The following STYX variants were observed in gnomAD, a reference collection of about 807,000 sequenced individuals.
The protein encoded by STYX is serine/threonine/tyrosine interacting protein.
In STYX, 20 loss-of-function variants were observed where a neutral mutation model predicts 42.7. That is an observed-to-expected ratio of 0.47 (90% CI 0.33 to 0.68). The LOEUF is 0.68. Ranked by LOEUF, STYX falls within the 30% of genes least tolerant of loss-of-function variation. The pLI is 0.02. For missense variants in STYX, 226 were observed against 268.5 expected, an observed-to-expected ratio of 0.84 and a Z score of 1.11; for synonymous variants, 78 against 81.9, an observed-to-expected ratio of 0.95 and a Z score of 0.26.
intron 4 of STYX, among the ~76,000 whole-genome samples, chr14:52,755,831 T>G (rs527453229): frequency 6.6e-6 from 1 of 152,214 alleles, no homozygotes; most frequent in South Asian, 2.1e-4. Flanking sequence ...TGTAGGTTCA[T>G]GAGCAGGAGT....
At chr14:52,730,882 G>A (rs781288459) in intron 1 of STYX, among the ~76,000 whole-genome samples, 1 of 152,212 alleles carries the variant, frequency 6.6e-6, no homozygotes, top group Non-Finnish European at 1.5e-5. Context: ...AATATCTGTG[G>A]TGTAAACGAT....
intron 3 of STYX, among the ~76,000 whole-genome samples, chr14:52,748,730 A>G (rs2139900351): frequency 6.6e-6 from 1 of 152,332 alleles, no homozygotes; most frequent in Non-Finnish European, 1.5e-5. Flanking sequence ...AAGCATATTT[A>G]TACATAATTA....
chr14:52,733,906 C>T (rs553193805), intron 1 of STYX, among the ~76,000 whole-genome samples: 2 of 152,156 alleles, frequency 1.3e-5, no homozygotes, highest in African/African-American at 4.8e-5. Context: ...GCACTCCCCC[C>T]CGACCCCCGC....
At chr14:52,747,522 C>G in intron 3 of STYX, among the ~76,000 whole-genome samples, 1 of 151,978 alleles carries the variant, frequency 6.6e-6, no homozygotes, top group Non-Finnish European at 1.5e-5. Flanking sequence ...AAAATAAGTA[C>G]TAGGGAAAGG....
chr14:52,743,211 A>C (rs546384536), intron 1 of STYX, among the ~76,000 whole-genome samples: 1 of 152,242 alleles, frequency 6.6e-6, no homozygotes, highest in South Asian at 2.1e-4. Context: ...TTAAAAAAAA[A>C]AACCTGTCTC....
rs1332763536 is a variant in STYX at position 52,772,477 on chromosome 14, T to A, written c.*1371T>A. The A allele has an allele frequency of 6.6e-6, 1 of 152,654 alleles. No homozygotes were observed. Among genetic ancestry groups the A allele is most frequent in the African/African-American group, 2.4e-5 (1 of 41,470 alleles). 9.5% of individuals were successfully genotyped at this position (152,654 alleles called of 1,614,324 possible). ...GAAAACATTTTTGCTATTTTAAGTA[T>A]GTAAGGGAAGAGAGGAGTGTTTTTA... On this transcript the variant is annotated 3_prime_UTR_variant, in exon 11 of 11. Coordinates refer to ENST00000354586, the MANE Select transcript of STYX (RefSeq NM_145251.4).
chr14:52,759,434 T>C (rs1376026367), intron 8 of STYX, among the ~76,000 whole-genome samples: 1 of 152,170 alleles, frequency 6.6e-6, no homozygotes, highest in Non-Finnish European at 1.5e-5. Flanking sequence ...TACACTTACC[T>C]CCTATTCATA....
intron 3 of STYX, among the ~76,000 whole-genome samples, chr14:52,747,088 A>C (rs1182709176): frequency 6.6e-6 from 1 of 152,208 alleles, no homozygotes; most frequent in Non-Finnish European, 1.5e-5. Flanking sequence ...AACAAATCCA[A>C]ACTCTGAAAT....
chr14:52,770,034 G>A (rs1367170975), intron 10 of STYX, among the ~76,000 whole-genome samples: 1 of 151,924 alleles, frequency 6.6e-6, no homozygotes, highest in Non-Finnish European at 1.5e-5. Flanking sequence ...CACCTAAAAT[G>A]CATCACATTT....
At chr14:52,766,067 G>A (rs948934551) in intron 9 of STYX, among the ~76,000 whole-genome samples, 1 of 152,152 alleles carries the variant, frequency 6.6e-6, no homozygotes, top group Non-Finnish European at 1.5e-5. Context: ...CGCGATCATG[G>A]TTCACTGTAG....
chr14:52,757,193 G>A, intron 5 of STYX, 126 bp from the exon 6 acceptor site: 1 of 739,092 alleles, frequency 1.4e-6, no homozygotes, highest in Non-Finnish European at 2.1e-6. Context: ...TAGCATTTTG[G>A]AAATTGGTGA....
chr14:52,761,117 T>C (rs1882075857), intron 9 of STYX, among the ~76,000 whole-genome samples: 1 of 152,016 alleles, frequency 6.6e-6, no homozygotes, highest in Admixed American at 6.6e-5. Flanking sequence ...ACACCTGAGG[T>C]CAGGAGTTCG....
intron 1 of STYX, among the ~76,000 whole-genome samples, chr14:52,739,690 G>A (rs1046939862): frequency 1.5e-5 from 2 of 135,962 alleles, no homozygotes; most frequent in Admixed American, 7.9e-5. Context: ...TGCCCAGGCT[G>A]GAGTGCAATG....
intron 2 of STYX, among the ~76,000 whole-genome samples, chr14:52,745,746 C>T (rs914410545): frequency 1.3e-5 from 2 of 152,190 alleles, no homozygotes; most frequent in Non-Finnish European, 2.9e-5. Context: ...TATCTTGTTC[C>T]TGGGAATCCC....
At chr14:52,770,913 A>G (rs1430034438) in intron 10 of STYX, 120 bp from the exon 11 acceptor site, 20 of 613,422 alleles carry the variant, frequency 3.3e-5, no homozygotes, top group Non-Finnish European at 4.8e-5. Context: ...ATTTTGCTAT[A>G]TCAGTTGTGG....
chr14:52,733,189 A>G (rs879498638), intron 1 of STYX, among the ~76,000 whole-genome samples: 1 of 152,126 alleles, frequency 6.6e-6, no homozygotes, highest in African/African-American at 2.4e-5. Context: ...TCCCTGCCCT[A>G]ATCTTAAAAA....
chr14:52,749,494 C>G (rs1881526187), intron 3 of STYX, among the ~76,000 whole-genome samples: 1 of 152,044 alleles, frequency 6.6e-6, no homozygotes, highest in Admixed American at 6.5e-5. Context: ...ATTCTCATGC[C>G]ATCGTGACTT....
intron 1 of STYX, among the ~76,000 whole-genome samples, chr14:52,738,999 C>CT (rs933318210): frequency 2.2e-4 from 33 of 148,700 alleles, no homozygotes; most frequent in African/African-American, 7.0e-4. Context: ...ATACACGTTT[C>CT]TTTCCTGTGA....
intron 4 of STYX, among the ~76,000 whole-genome samples, chr14:52,754,451 G>A (rs986326425): frequency 2.7e-5 from 4 of 148,750 alleles, no homozygotes; most frequent in African/African-American, 7.4e-5. Context: ...GAGCTTAAGC[G>A]ATCTACCCAC....
Sources: gnomAD v4.1 joint callset for allele counts (sites outside exome capture counted in the v4.1 genomes callset) on GRCh38, gnomAD v4.1.1 for gene constraint, MANE v1.5 for transcripts, NCBI Gene and HGNC (gene_info 2026-07-23, HGNC 2026-07-21) for gene names.